Variants in MED17 observed in about 807,000 individuals in gnomAD.
MED17 encodes mediator of RNA polymerase II transcription subunit 17.
In MED17, 49 loss-of-function variants were observed where a neutral mutation model predicts 80.8. The observed-to-expected ratio is 0.61, with a 90% CI of 0.48 to 0.77. The LOEUF is 0.77. Ranked by LOEUF, MED17 falls within the 30% of genes least tolerant of loss-of-function variation. The pLI is 0.00. For synonymous variants in MED17, 281 were observed against 280.4 expected (o/e 1.00, Z -0.02); for missense variants, 718 against 787.0 (o/e 0.91, Z 1.05).
intron 2 of MED17, chr11:93,788,420 G>A (rs934760538): frequency 1.8e-5 from 6 of 340,200 alleles, no homozygotes; most frequent in Non-Finnish European, 3.3e-5. Context: ...GGTGGCTCAC[G>A]CCTGTAATCC....
At chr11:93,787,023 G>A (rs1453055577) in intron 1 of MED17, among the ~76,000 whole-genome samples, 1 of 152,066 alleles carries the variant, frequency 6.6e-6, no homozygotes, top group Non-Finnish European at 1.5e-5. Flanking sequence ...TAACATGGAA[G>A]TGTCTCTAGG....
chr11:93,805,955 A>G (rs1023246775), intron 9 of MED17: 1 of 150,262 alleles, frequency 6.7e-6, no homozygotes, highest in East Asian at 2.0e-4. Context: ...CAGCCTGGGC[A>G]ACATAGCAAG....
rs757528393 is a variant in MED17, at chr11:93,796,515, A to G, written c.1118A>G (p.His373Arg). 1 of 1,614,178 alleles carries G rather than the reference A, an allele frequency of 6.2e-7. No individual in the cohort carries two copies. Among genetic ancestry groups the G allele is most frequent in the South Asian group, 1.1e-5 (1 of 91,086 alleles). Residue 373 changes from histidine to arginine, a missense_variant, in exon 7 of 12, where the codon CAT becomes CGT. His to Arg is a conservative substitution (Grantham distance 29). Coordinates refer to ENST00000251871, the MANE Select transcript of MED17 (RefSeq NM_004268.5). ...GAGGACCACCTTTATGTCCTAGAGCATAATTTGCATCTACTGATTAGAGAG... is the reference window on the plus strand; with the variant it reads ...GAGGACCACCTTTATGTCCTAGAGCGTAATTTGCATCTACTGATTAGAGAG... ...CPEDHLYVLE[H>R]NLHLLIREFH...
chr11:93,793,514 G>GTTTT, intron 3 of MED17: 1 of 425,584 alleles, frequency 2.3e-6, no homozygotes, highest in Non-Finnish European at 4.2e-6. Context: ...ACTAAGAAGT[G>GTTTT]TTTTTTTTTT....
chr11:93,791,192 G>A (rs568464794), intron 3 of MED17, among the ~76,000 whole-genome samples: 19 of 152,274 alleles, frequency 1.2e-4, no homozygotes, highest in East Asian at 7.7e-4. Context: ...TATGTGTTAC[G>A]TTTCAAAATT....
intron 8 of MED17, among the ~76,000 whole-genome samples, chr11:93,799,324 C>T (rs960210673): frequency 7.2e-5 from 11 of 152,096 alleles, no homozygotes; most frequent in African/African-American, 1.7e-4. Flanking sequence ...TACAAGTGTG[C>T]GCCACCATGC....
At chr11:93,808,599 A>T (rs1944053236) in intron 10 of MED17, 1 of 148,944 alleles carries the variant, frequency 6.7e-6, no homozygotes, top group African/African-American at 2.5e-5. Flanking sequence ...ATTAAAAAAA[A>T]TAGTATCTTG....
chr11:93,794,741 G>T (rs558817034), intron 5 of MED17, 167 bp from the exon 6 acceptor site: 14 of 674,364 alleles, frequency 2.1e-5, no homozygotes, highest in Admixed American at 5.6e-5. Context: ...AACACAGTTG[G>T]CATTGGCAAT....
intron 8 of MED17, among the ~76,000 whole-genome samples, chr11:93,799,618 T>A (rs999800674): frequency 2.6e-5 from 4 of 151,976 alleles, no homozygotes; most frequent in Admixed American, 6.6e-5. Context: ...TACAAAAAAA[T>A]AAAAAAAATT....
At chr11:93,796,319 A>G in intron 6 of MED17, 91 bp from the exon 7 acceptor site, 1 of 1,194,840 alleles carries the variant, frequency 8.4e-7, no homozygotes, top group South Asian at 1.2e-5. Context: ...ATATCTTTTG[A>G]AAATGAACTA....
At chr11:93,784,995 C>T (rs938229679) in intron 1 of MED17, 19 of 622,278 alleles carry the variant, frequency 3.1e-5, no homozygotes, top group Non-Finnish European at 5.0e-5. Context: ...TTTAGAGACA[C>T]TGTCAAACCG....
chr11:93,809,566 A>G (rs1299338136), intron 10 of MED17, 151 bp from the exon 11 acceptor site: 2 of 784,206 alleles, frequency 2.6e-6, no homozygotes, highest in African/African-American at 3.4e-5. Flanking sequence ...CCCTCCCCCT[A>G]AGTTACGCAC....
intron 7 of MED17, chr11:93,796,994 T>G (rs1163964803): frequency 4.6e-6 from 1 of 216,938 alleles, no homozygotes; most frequent in Admixed American, 5.2e-5. Flanking sequence ...ACAGCCTCCC[T>G]TGCCCCACCC....
At position 93,812,433 on chromosome 11, in the gene MED17, A is replaced by C; in HGVS notation, c.*369A>C. On this transcript the variant is annotated 3_prime_UTR_variant, in exon 12 of 12. Coordinates refer to ENST00000251871, the MANE Select transcript of MED17 (RefSeq NM_004268.5). Reference sequence around the variant, plus strand: ...TCCAAATACCTTTTTTTCCCCCCAAATACTTTCTAAACTTTTTTTTTTTGA... The same window carrying C: ...TCCAAATACCTTTTTTTCCCCCCAACTACTTTCTAAACTTTTTTTTTTTGA... 2.2e-6 allele frequency: 1 copy of C among 453,692 alleles called. No homozygotes were observed. Among genetic ancestry groups the C allele is most frequent in the South Asian group, 3.7e-5 (1 of 27,224 alleles). 28.1% of individuals were successfully genotyped at this position (453,692 alleles called of 1,614,324 possible).
rs371801002 is a variant in MED17 at position 93,784,473 on chromosome 11, G to T, written c.-41G>T. 573 of 1,563,002 alleles carry T rather than the reference G, an allele frequency of 3.7e-4. No individual in the cohort carries two copies. The African/African-American group carries it at 7.3e-3, about 20-fold the overall frequency. ...CCTCCTCTTCGTACCTCGTTTTTTG[G>T]CTCGTGGGGGGTCCTCCCACCGCTG... is the stretch of plus-strand genomic sequence containing the variant. On this transcript the variant is annotated 5_prime_UTR_variant, in exon 1 of 12. Transcript: ENST00000251871.
Sources: gnomAD v4.1 joint callset for allele counts (sites outside exome capture counted in the v4.1 genomes callset) on GRCh38, gnomAD v4.1.1 for gene constraint, MANE v1.5 for transcripts, NCBI Gene and HGNC (gene_info 2026-07-23, HGNC 2026-07-21) for gene names.